Variants in METTL15 observed in about 807,000 individuals in gnomAD.
METTL15 encodes 12S rRNA N(4)-cytidine methyltransferase METTL15.
In METTL15, 34 loss-of-function variants were observed where a neutral mutation model predicts 38.3. The observed-to-expected ratio is 0.89, with a 90% CI of 0.68 to 1.18. The LOEUF is 1.18. Ranked by LOEUF, METTL15 falls within the 50% of genes most tolerant of loss-of-function variation. The pLI is 0.00. For missense variants in METTL15, 438 were observed against 498.4 expected (o/e 0.88, Z 1.15); for synonymous variants, 162 against 170.9 (o/e 0.95, Z 0.41).
intron 3 of METTL15, among the ~76,000 whole-genome samples, chr11:28,185,261 C>G (rs1851453099): frequency 6.6e-6 from 1 of 151,282 alleles, no homozygotes; most frequent in East Asian, 1.9e-4. Flanking sequence ...TAACGAAACA[C>G]TAGAATTAAA....
chr11:28,430,306 T>G (rs1189260527), intron 6 of METTL15, among the ~76,000 whole-genome samples: 11 of 98,098 alleles, frequency 1.1e-4, no homozygotes, highest in South Asian at 4.5e-4. Flanking sequence ...CGGCCAGCCG[T>G]GCCATCCGGG....
intron 5 of METTL15, among the ~76,000 whole-genome samples, chr11:28,384,595 C>T (rs986500272): frequency 3.3e-5 from 5 of 152,114 alleles, no homozygotes; most frequent in Admixed American, 1.3e-4. Context: ...CAGGCATGAG[C>T]CACCACACCC....
intron 3 of METTL15, chr11:28,123,824 A>C: frequency 7.3e-7 from 1 of 1,370,792 alleles, no homozygotes; most frequent in Non-Finnish European, 9.9e-7. Context: ...TAAAACTGAA[A>C]TCTTTCTTTT....
At chr11:28,370,550 C>G (rs1850232781) in intron 5 of METTL15, among the ~76,000 whole-genome samples, 1 of 151,792 alleles carries the variant, frequency 6.6e-6, no homozygotes, top group Admixed American at 6.6e-5. Context: ...ACATTGATTT[C>G]TTTTCTTTGA....
chr11:28,179,304 T>C (rs1851195492), intron 3 of METTL15, among the ~76,000 whole-genome samples: 1 of 151,840 alleles, frequency 6.6e-6, no homozygotes, highest in African/African-American at 2.4e-5. Context: ...TTATTTTTTC[T>C]GTAACAGTTT....
chr11:28,116,173 A>C (rs1431909380), intron 3 of METTL15, among the ~76,000 whole-genome samples: 2 of 152,176 alleles, frequency 1.3e-5, no homozygotes, highest in Non-Finnish European at 2.9e-5. Flanking sequence ...GACCTTCTTT[A>C]ATCCTGCCAT....
intron 4 of METTL15, among the ~76,000 whole-genome samples, chr11:28,236,957 CT>C (rs1854014731): frequency 6.6e-6 from 1 of 152,154 alleles, no homozygotes; most frequent in Admixed American, 6.5e-5. Context: ...TGTAGAGTTT[CT>C]GCTGAGAGAT....
intron 6 of METTL15, among the ~76,000 whole-genome samples, chr11:28,324,523 A>G (rs565419098): frequency 3.3e-5 from 5 of 152,324 alleles, no homozygotes; most frequent in African/African-American, 1.2e-4. Context: ...AGGTATAATT[A>G]AGTGCATGCA....
chr11:28,139,751 AG>A (rs1465248396), intron 3 of METTL15, among the ~76,000 whole-genome samples: 2 of 151,818 alleles, frequency 1.3e-5, no homozygotes, highest in East Asian at 1.9e-4. Flanking sequence ...GTTTTCCAAA[AG>A]GAAAAAAAAA....
intron 4 of METTL15, among the ~76,000 whole-genome samples, chr11:28,264,793 C>T: frequency 6.6e-6 from 1 of 152,056 alleles, no homozygotes; most frequent in Non-Finnish European, 1.5e-5. Flanking sequence ...AATTACCATT[C>T]CTTTCTGAAT....
intron 1 of METTL15, among the ~76,000 whole-genome samples, chr11:28,109,742 G>C (rs1033276026): frequency 1.3e-5 from 2 of 152,110 alleles, no homozygotes; most frequent in Non-Finnish European, 2.9e-5. Context: ...CATTGTATAA[G>C]GTTTATCAGT....
chr11:28,496,932 C>G (rs1035681345), intron 6 of METTL15, among the ~76,000 whole-genome samples: 5 of 152,148 alleles, frequency 3.3e-5, no homozygotes, highest in Admixed American at 6.5e-5. Context: ...GACTGAGATT[C>G]TTTTTCTTTA....
intron 6 of METTL15, among the ~76,000 whole-genome samples, chr11:28,326,522 C>T (rs1291704615): frequency 6.6e-6 from 1 of 152,030 alleles, no homozygotes. Flanking sequence ...GTCCCATTGC[C>T]AGTCGATGTT....
chr11:28,397,399 AAAAC>A (rs1160952851), intron 5 of METTL15, among the ~76,000 whole-genome samples: 2 of 152,208 alleles, frequency 1.3e-5, no homozygotes, highest in Non-Finnish European at 2.9e-5. Context: ...TTACAAGAAA[AAAAC>A]AAACAGCCCC....
intron 5 of METTL15, among the ~76,000 whole-genome samples, chr11:28,402,519 C>T (rs1231226152): frequency 6.6e-6 from 1 of 152,018 alleles, no homozygotes; most frequent in Non-Finnish European, 1.5e-5. Flanking sequence ...CTACCACTCC[C>T]ACCTTGAAAT....
chr11:28,488,220 A>G (rs565846521), intron 6 of METTL15, among the ~76,000 whole-genome samples: 4 of 152,290 alleles, frequency 2.6e-5, no homozygotes, highest in African/African-American at 7.2e-5. Context: ...AAATTACTCT[A>G]TTTTAAAATT....
At chr11:28,390,804 A>T (rs372691620) in intron 5 of METTL15, among the ~76,000 whole-genome samples, 1 of 152,170 alleles carries the variant, frequency 6.6e-6, no homozygotes, top group African/African-American at 2.4e-5. Context: ...CATTGAATCT[A>T]TAAATTACCT....
chr11:28,502,366 C>T (rs1006673052), intron 6 of METTL15, among the ~76,000 whole-genome samples: 1 of 152,144 alleles, frequency 6.6e-6, no homozygotes, highest in Non-Finnish European at 1.5e-5. Context: ...CAATTCTACC[C>T]TTGTAGCATG....
intron 4 of METTL15, among the ~76,000 whole-genome samples, chr11:28,359,889 A>G (rs1470702744): frequency 6.6e-6 from 1 of 152,224 alleles, no homozygotes; most frequent in Non-Finnish European, 1.5e-5. Context: ...CTGCATTAAT[A>G]TCATTTCACT....
Sources: allele counts gnomAD v4.1 joint callset (sites outside exome capture counted in the v4.1 genomes callset), GRCh38; gene constraint gnomAD v4.1.1; transcripts MANE v1.5; gene names NCBI Gene and HGNC (gene_info 2026-07-23, HGNC 2026-07-21).